The following ZC3H12B variants were observed in gnomAD, a reference collection of about 807,000 sequenced individuals.
The protein encoded by ZC3H12B is zinc finger CCCH-type containing 12B.
In ZC3H12B, 7 loss-of-function variants were observed where a neutral mutation model predicts 43.9. The ratio of observed to expected loss-of-function variants is 0.16; its 90% confidence interval spans 0.09 to 0.30. The LOEUF (loss-of-function observed/expected upper bound fraction) is 0.30, where lower values mean the gene tolerates loss of function less well. Among genes scored for constraint, ZC3H12B ranks in the 10% least tolerant of loss-of-function variants. The pLI is 1.00. For synonymous variants in ZC3H12B, 222 were observed against 241.7 expected (o/e 0.92, Z 0.76); for missense variants, 475 against 670.2 (o/e 0.71, Z 3.22).
chrX:65,393,794 G>GA lies in ZC3H12B; in HGVS notation n.296-4797dup, dbSNP rs772801223. 3.6e-5 allele frequency among the ~76,000 whole-genome samples: 4 copies of GA among 111,961 alleles called. No homozygotes were observed. In the East Asian group the frequency reaches 1.1e-3, roughly 31 times the overall value. ...CGCCACACTGTCTAACACAATGGTT[G>GA]AACTAATTTACACTACCACCAAAAG... On this transcript the variant is annotated intron_variant and non_coding_transcript_variant, in intron 2 of 5. Transcript: ENST00000617377.
At chrX:65,456,755 C>G (rs2067621808) in intron 3 of ZC3H12B, among the ~76,000 whole-genome samples, 1 of 109,197 alleles carries the variant, frequency 9.2e-6, no homozygotes, top group South Asian at 4.1e-4. Flanking sequence ...TCAATGGTGC[C>G]CAGGCTGGAG....
At chrX:65,211,424 A>C in the ZC3H12B span, among the ~76,000 whole-genome samples, 2 of 108,397 alleles carry the variant, frequency 1.8e-5, no homozygotes, top group African/African-American at 6.7e-5. Flanking sequence ...TTTACTGAAC[A>C]CTTAGTATGT....
the ZC3H12B span, among the ~76,000 whole-genome samples, chrX:65,227,515 C>A: frequency 9.1e-6 from 1 of 110,071 alleles, no homozygotes; most frequent in Non-Finnish European, 1.9e-5. Context: ...TAGCAGAAGG[C>A]AAGAAATAAC....
At chrX:65,034,936 G>A in the ZC3H12B span, among the ~76,000 whole-genome samples, 1 of 112,702 alleles carries the variant, frequency 8.9e-6, no homozygotes, top group African/African-American at 3.2e-5. Context: ...TCAGGCCTGG[G>A]GGTCGCATCG....
chrX:65,337,510 C>A, the ZC3H12B span, among the ~76,000 whole-genome samples: 1 of 112,373 alleles, frequency 8.9e-6, no homozygotes, highest in African/African-American at 3.2e-5. Flanking sequence ...AAAGTAACTT[C>A]AAATGTTTCC....
intron 3 of ZC3H12B, among the ~76,000 whole-genome samples, chrX:65,429,144 G>T (rs1468626391): frequency 8.9e-6 from 1 of 112,267 alleles, no homozygotes; most frequent in Non-Finnish European, 1.9e-5. Context: ...TTCCATCCCA[G>T]GAGGTTACTG....
At chrX:65,473,460 G>T (rs532239319) in intron 3 of ZC3H12B, among the ~76,000 whole-genome samples, 51 of 112,296 alleles carry the variant, frequency 4.5e-4, no homozygotes, top group Non-Finnish European at 8.8e-4. Context: ...AATGGATTTT[G>T]ATAGAGATTA....
chrX:65,287,498 G>T, the ZC3H12B span, among the ~76,000 whole-genome samples: 2 of 110,496 alleles, frequency 1.8e-5, no homozygotes, highest in African/African-American at 6.6e-5. Flanking sequence ...GCTCACACCT[G>T]TAATCCCAGC....
the ZC3H12B span, among the ~76,000 whole-genome samples, chrX:65,078,724 C>A: frequency 9.0e-6 from 1 of 110,756 alleles, no homozygotes; most frequent in Non-Finnish European, 1.9e-5. Flanking sequence ...GAGGAATTTT[C>A]TTTTAATTTT....
At chrX:65,417,993 T>G (rs766295609) in intron 3 of ZC3H12B, among the ~76,000 whole-genome samples, 1 of 112,291 alleles carries the variant, frequency 8.9e-6, no homozygotes, top group East Asian at 2.8e-4. Context: ...TCCCAGTGAG[T>G]TTCAAATTGT....
At chrX:65,076,084 A>C in the ZC3H12B span, among the ~76,000 whole-genome samples, 1 of 110,640 alleles carries the variant, frequency 9.0e-6, no homozygotes, top group Middle Eastern at 4.3e-3. Flanking sequence ...GACTTTATCT[A>C]TTCTGCCATC....
the ZC3H12B span, chrX:65,272,594 C>T: frequency 8.9e-6 from 1 of 111,799 alleles, no homozygotes; most frequent in Admixed American, 9.4e-5. Context: ...TTCTAATAAA[C>T]TGATGATTGG....
the ZC3H12B span, among the ~76,000 whole-genome samples, chrX:65,198,604 G>T: frequency 9.0e-6 from 1 of 111,514 alleles, no homozygotes; most frequent in Non-Finnish European, 1.9e-5. Context: ...AAAGTCTGTT[G>T]CCAGATGTGC....
the ZC3H12B span, among the ~76,000 whole-genome samples, chrX:65,351,604 C>G: frequency 1.8e-5 from 2 of 112,257 alleles, no homozygotes; most frequent in Non-Finnish European, 3.8e-5. Context: ...CTACAAAGGA[C>G]TTAAACAAAT....
At chrX:65,301,500 A>G in the ZC3H12B span, among the ~76,000 whole-genome samples, 24 of 110,583 alleles carry the variant, frequency 2.2e-4, no homozygotes, top group Non-Finnish European at 4.2e-4. Context: ...ATACATACAC[A>G]CTGTGGAATA....
chrX:65,475,898 G>T (rs2067985869), intron 3 of ZC3H12B, among the ~76,000 whole-genome samples: 1 of 112,045 alleles, frequency 8.9e-6, no homozygotes, highest in African/African-American at 3.2e-5. Flanking sequence ...GACACATGGG[G>T]ATTATTACAA....
At chrX:65,394,508 T>C (rs944991141) in intron 2 of ZC3H12B, among the ~76,000 whole-genome samples, 13 of 111,911 alleles carry the variant, frequency 1.2e-4, no homozygotes, top group Non-Finnish European at 1.9e-4. Context: ...GATCAGATGG[T>C]TGTAGATGTG....
the ZC3H12B span, among the ~76,000 whole-genome samples, chrX:65,326,294 A>G: frequency 8.9e-6 from 1 of 111,859 alleles, no homozygotes; most frequent in Non-Finnish European, 1.9e-5. Context: ...ACCAAAATCT[A>G]TAAAGAACCC....
intron 3 of ZC3H12B, among the ~76,000 whole-genome samples, chrX:65,404,802 C>CAG (rs2066803360): frequency 8.9e-6 from 1 of 111,957 alleles, no homozygotes; most frequent in African/African-American, 3.2e-5. Flanking sequence ...ATCGTCAAGA[C>CAG]AGAAAATCAA....
Sources: gnomAD v4.1 joint callset for allele counts (sites outside exome capture counted in the v4.1 genomes callset) on GRCh38, gnomAD v4.1.1 for gene constraint, MANE v1.5 for transcripts, NCBI Gene and HGNC (gene_info 2026-07-23, HGNC 2026-07-21) for gene names.